The following KIAA1671 variants were observed in gnomAD, a reference collection of about 807,000 sequenced individuals.
KIAA1671 encodes the protein uncharacterized protein KIAA1671.
A neutral mutation model predicts 131.2 loss-of-function variants in KIAA1671; 52 were observed. The ratio of observed to expected loss-of-function variants is 0.40; its 90% CI spans 0.32 to 0.50. The LOEUF is 0.50. KIAA1671 is among the 20% of genes least tolerant of loss of function. The pLI, the probability that KIAA1671 is intolerant of heterozygous loss-of-function variation, is 0.73. For synonymous variants in KIAA1671, 1,003 were observed against 961.6 expected (o/e 1.04, Z -0.80); for missense variants, 2,360 against 2,364.2 (o/e 1.00, Z 0.04).
At chr22:24,991,929 G>A (rs916111848) in intron 1 of KIAA1671, among the ~76,000 whole-genome samples, 1 of 152,120 alleles carries the variant, frequency 6.6e-6, no homozygotes, top group Non-Finnish European at 1.5e-5. Flanking sequence ...TATTTCCTCT[G>A]GTGTGGGGAG....
intron 5 of KIAA1671, among the ~76,000 whole-genome samples, chr22:25,046,402 T>TTCCTCTCTCCATCCCTTCCTCTCTCCATC (rs1569215600): frequency 0.087 from 12,795 of 146,724 alleles, 1,968 homozygotes; most frequent in African/African-American, 0.31. Flanking sequence ...TTAAAGTGAT[T>TTCCTCTCTCCATCCCTTCCTCTCTCCATC]CCTTCCTCTC....
At chr22:24,995,787 G>A (rs117146874) in intron 1 of KIAA1671, among the ~76,000 whole-genome samples, 1 of 152,260 alleles carries the variant, frequency 6.6e-6, no homozygotes, top group Non-Finnish European at 1.5e-5. Context: ...AGCATGTGAA[G>A]TACCTACCCT....
chr22:25,048,119 T>A (rs922922704), intron 5 of KIAA1671, among the ~76,000 whole-genome samples: 58 of 152,238 alleles, frequency 3.8e-4, no homozygotes, highest in Non-Finnish European at 7.5e-4. Context: ...CCTCCCCAGC[T>A]GGGGGATGGA....
chr22:25,177,560 G>T (rs1225569773), intron 9 of KIAA1671, 38 bp downstream of exon 9: 1 of 1,512,998 alleles, frequency 6.6e-7, no homozygotes, highest in Non-Finnish European at 8.9e-7. Flanking sequence ...ATAGCACATT[G>T]AACAGCAGGA....
At chr22:25,135,021 T>G (rs1043354591) in intron 6 of KIAA1671, among the ~76,000 whole-genome samples, 1 of 152,160 alleles carries the variant, frequency 6.6e-6, no homozygotes, top group Non-Finnish European at 1.5e-5. Context: ...TCTGGGTAGA[T>G]TCATTGAGTT....
intron 1 of KIAA1671, among the ~76,000 whole-genome samples, chr22:24,968,629 C>A (rs569562136): frequency 6.6e-6 from 1 of 152,066 alleles, no homozygotes; most frequent in African/African-American, 2.4e-5. Flanking sequence ...AGTGTCCGTG[C>A]GATTCTATCT....
chr22:25,127,679 C>A (rs1439701181), intron 6 of KIAA1671, among the ~76,000 whole-genome samples: 4 of 152,154 alleles, frequency 2.6e-5, no homozygotes, highest in Admixed American at 2.6e-4. Context: ...CCTATACACG[C>A]CTGGGAGCTG....
intron 6 of KIAA1671, among the ~76,000 whole-genome samples, chr22:25,132,015 G>T (rs899195475): frequency 1.3e-5 from 2 of 152,226 alleles, no homozygotes; most frequent in Non-Finnish European, 1.5e-5. Flanking sequence ...GATGGCTGTG[G>T]TAATTGTCTG....
chr22:25,177,592 G>GAAAAAAA, intron 9 of KIAA1671, 70 bp downstream of exon 9: 1 of 1,366,698 alleles, frequency 7.3e-7, no homozygotes, highest in Non-Finnish European at 9.8e-7. Flanking sequence ...TAAGCCCTAT[G>GAAAAAAA]AAAAAATTCC....
intron 6 of KIAA1671, among the ~76,000 whole-genome samples, chr22:25,149,622 A>T (rs565707340): frequency 1.3e-5 from 2 of 151,820 alleles, no homozygotes; most frequent in African/African-American, 4.8e-5. Context: ...TATTTGCCTT[A>T]AATGCATTTG....
At chr22:24,957,308 C>T (rs545933968) in intron 1 of KIAA1671, among the ~76,000 whole-genome samples, 12 of 152,250 alleles carry the variant, frequency 7.9e-5, no homozygotes, top group Admixed American at 4.6e-4. Context: ...AGGCATAGAT[C>T]GCCTGGAGAA....
At chr22:25,178,851 G>A (rs551618945) in intron 9 of KIAA1671, among the ~76,000 whole-genome samples, 80 of 150,688 alleles carry the variant, frequency 5.3e-4, no homozygotes, top group African/African-American at 2.0e-3. Flanking sequence ...CGCCTCCCCC[G>A]TTGCCCCTCC....
chr22:25,119,584 A>G (rs6004442), intron 6 of KIAA1671, among the ~76,000 whole-genome samples: 4,244 of 152,308 alleles, frequency 0.028, 92 homozygotes, highest in Middle Eastern at 0.061. Flanking sequence ...AAACCAATGA[A>G]TGAACAAAGA....
chr22:24,973,570 A>T (rs6004380), intron 1 of KIAA1671, among the ~76,000 whole-genome samples: 36,861 of 150,528 alleles, frequency 0.24, 6,153 homozygotes, highest in African/African-American at 0.48. Context: ...ATTTTTTTGT[A>T]TTTTTAATAG....
At chr22:25,006,898 G>A (rs1340981204) in intron 1 of KIAA1671, among the ~76,000 whole-genome samples, 1 of 152,188 alleles carries the variant, frequency 6.6e-6, no homozygotes, top group Non-Finnish European at 1.5e-5. Flanking sequence ...TGTCTCAAGA[G>A]CCTTAACTTA....
chr22:25,147,060 A>AG (rs1800463595), intron 6 of KIAA1671, among the ~76,000 whole-genome samples: 1 of 152,120 alleles, frequency 6.6e-6, no homozygotes, highest in African/African-American at 2.4e-5. Context: ...TGAGAGAGGG[A>AG]GGGAGGGTGA....
intron 6 of KIAA1671, among the ~76,000 whole-genome samples, chr22:25,086,710 C>T (rs527670964): frequency 3.9e-5 from 6 of 152,270 alleles, no homozygotes; most frequent in Admixed American, 3.9e-4. Context: ...CAGGAAATCC[C>T]CCAAAGGCCG....
At chr22:24,971,689 G>T (rs1490742911) in intron 1 of KIAA1671, among the ~76,000 whole-genome samples, 1 of 152,164 alleles carries the variant, frequency 6.6e-6, no homozygotes, top group Admixed American at 6.6e-5. Flanking sequence ...GCTGTGGGAT[G>T]TGGTACTGAA....
At chr22:25,001,357 T>G (rs1191159363) in intron 1 of KIAA1671, among the ~76,000 whole-genome samples, 2 of 152,222 alleles carry the variant, frequency 1.3e-5, no homozygotes, top group Admixed American at 6.5e-5. Flanking sequence ...TGTCTTCTAA[T>G]GAACAGAAAT....
Sources: allele counts gnomAD v4.1 joint callset (sites outside exome capture counted in the v4.1 genomes callset), GRCh38; gene constraint gnomAD v4.1.1; transcripts MANE v1.5; gene names NCBI Gene and HGNC (gene_info 2026-07-23, HGNC 2026-07-21).